Variants in CEP63 observed in about 807,000 individuals in gnomAD.
CEP63 encodes centrosomal protein of 63 kDa.
Under a neutral mutation model 89.1 loss-of-function variants are expected in CEP63, and 84 were observed. The observed-to-expected ratio is 0.94, with a 90% CI of 0.79 to 1.13. CEP63 has a LOEUF of 1.13. CEP63 is among the 50% of genes most tolerant of loss of function. CEP63 has a pLI of 0.00. For missense variants in CEP63, 838 were observed against 813.3 expected (o/e 1.03, Z -0.37); for synonymous variants, 267 against 272.5 (o/e 0.98, Z 0.20).
chr3:134,531,485 A>G (rs1390816412), intron 3 of CEP63, among the ~76,000 whole-genome samples: 1 of 152,144 alleles, frequency 6.6e-6, no homozygotes, highest in Non-Finnish European at 1.5e-5. Flanking sequence ...TGGGAGACCG[A>G]GGCAGACAAT....
At chr3:134,755,443 A>G in the CEP63 span, among the ~76,000 whole-genome samples, 1 of 152,180 alleles carries the variant, frequency 6.6e-6, no homozygotes, top group Non-Finnish European at 1.5e-5. Context: ...CTACCACATT[A>G]TATGCACAGG....
At chr3:134,581,657 A>T (rs967515744) in intron 10 of CEP63, among the ~76,000 whole-genome samples, 5 of 150,152 alleles carry the variant, frequency 3.3e-5, no homozygotes, top group Non-Finnish European at 7.4e-5. Flanking sequence ...GACAGAACTC[A>T]ATACACATTC....
At chr3:134,544,550 T>C (rs564498843) in intron 6 of CEP63, among the ~76,000 whole-genome samples, 6 of 151,770 alleles carry the variant, frequency 4.0e-5, no homozygotes, top group African/African-American at 1.5e-4. Context: ...TTTCTCTGAA[T>C]TTAAAGAGCA....
chr3:134,636,755 A>G, the CEP63 span, among the ~76,000 whole-genome samples: 1 of 152,238 alleles, frequency 6.6e-6, no homozygotes, highest in African/African-American at 2.4e-5. Flanking sequence ...AATAGATCAC[A>G]TATTCACTCA....
chr3:134,496,027 A>G (rs1012044227), intron 2 of CEP63, among the ~76,000 whole-genome samples: 1 of 152,350 alleles, frequency 6.6e-6, no homozygotes, highest in South Asian at 2.1e-4. Context: ...TAATGCTGCA[A>G]TAAACATGGG....
chr3:134,666,408 A>T, the CEP63 span, among the ~76,000 whole-genome samples: 1 of 152,182 alleles, frequency 6.6e-6, no homozygotes, highest in African/African-American at 2.4e-5. Context: ...TTTCGTAGGG[A>T]TTGTACCAAT....
At chr3:134,776,853 G>T in the CEP63 span, among the ~76,000 whole-genome samples, 1 of 152,182 alleles carries the variant, frequency 6.6e-6, no homozygotes, top group East Asian at 1.9e-4. Flanking sequence ...TCAGACCAGT[G>T]TTTTTAACAC....
At position 134,486,120 on chromosome 3, in the gene CEP63, G is replaced by A. The variant is rs984876639; in HGVS notation, c.-108G>A. ...ATTGTTTCAATTATTAAAAGTGTGG[G>A]GGCAGTGGGCGGAACAAACGCGCCG... On this transcript the variant is annotated 5_prime_UTR_variant, in exon 1 of 15. Transcript: ENST00000675561. 1.1e-5 allele frequency: 11 copies of A among 985,452 alleles called. No homozygotes were observed. The highest frequency in any genetic ancestry group is 1.2e-5 in the Non-Finnish European group (10 of 830,030). 61.0% of individuals were successfully genotyped at this position (985,452 alleles called of 1,614,324 possible).
At chr3:134,755,234 AGCCCTG>A in the CEP63 span, among the ~76,000 whole-genome samples, 3 of 2,958 alleles carry the variant, frequency 1.0e-3, no homozygotes, top group East Asian at 0.14. Context: ...CTGAACCCTG[AGCCCTG>A]AGCCCTGAGC....
upstream of CEP63, chr3:134,485,990 C>CG: frequency 3.5e-5 from 29 of 837,606 alleles, no homozygotes; most frequent in African/African-American, 9.8e-5. Flanking sequence ...GCTCCTGCCA[C>CG]GCCCCCCCCC....
the CEP63 span, among the ~76,000 whole-genome samples, chr3:134,669,781 G>A: frequency 2.6e-5 from 4 of 152,184 alleles, no homozygotes; most frequent in Admixed American, 6.5e-5. Flanking sequence ...TGGAATCTGG[G>A]GTATGGCAAA....
chr3:134,511,479 G>A (rs1576914853), intron 3 of CEP63: 2 of 152,548 alleles, frequency 1.3e-5, no homozygotes, highest in Admixed American at 1.3e-4. Flanking sequence ...AATTTGAGCA[G>A]TATATGAAAT....
the CEP63 span, among the ~76,000 whole-genome samples, chr3:134,695,681 C>T: frequency 6.6e-6 from 1 of 152,202 alleles, no homozygotes. Context: ...ATGGCTGGTG[C>T]ACATGCCTCT....
At chr3:134,733,803 C>T in the CEP63 span, among the ~76,000 whole-genome samples, 1 of 152,202 alleles carries the variant, frequency 6.6e-6, no homozygotes, top group Non-Finnish European at 1.5e-5. Flanking sequence ...TTCTAGCCTG[C>T]AGAACAAATT....
At chr3:134,509,561 T>C (rs1185699726) in intron 3 of CEP63, among the ~76,000 whole-genome samples, 1 of 152,204 alleles carries the variant, frequency 6.6e-6, no homozygotes, top group African/African-American at 2.4e-5. Flanking sequence ...TTTCCAGTTC[T>C]ACCACTCTTT....
intron 10 of CEP63, among the ~76,000 whole-genome samples, chr3:134,583,051 G>T (rs576360979): frequency 3.3e-5 from 5 of 151,998 alleles, no homozygotes; most frequent in Admixed American, 2.0e-4. Context: ...GTAAATTTGT[G>T]TAAGTTCTTT....
the CEP63 span, among the ~76,000 whole-genome samples, chr3:134,703,315 A>T: frequency 1.3e-5 from 2 of 148,936 alleles, no homozygotes; most frequent in African/African-American, 4.9e-5. Context: ...AAAAAAAAAA[A>T]AGATACATAC....
At chr3:134,515,954 C>T (rs1397941605) in intron 3 of CEP63, among the ~76,000 whole-genome samples, 1 of 152,132 alleles carries the variant, frequency 6.6e-6, no homozygotes, top group Admixed American at 6.5e-5. Context: ...GGGTGGGTTG[C>T]CCCTCCACAC....
chr3:134,564,259 C>T lies in CEP63; in HGVS notation c.*2724C>T. ...TTTGAACCAATGGAAAATGCCATTC[C>T]TGAGGTGCACCACATCGTTTCTTTT... On this transcript the variant is annotated 3_prime_UTR_variant, in exon 15 of 15. Transcript: ENST00000675561. 5.1e-6 allele frequency: 5 copies of T among 985,388 alleles called. No homozygotes were observed. The highest frequency in any genetic ancestry group is 6.0e-6 in the Non-Finnish European group (5 of 829,964). 61.0% of individuals were successfully genotyped at this position (985,388 alleles called of 1,614,324 possible).
Sources: allele counts gnomAD v4.1 joint callset (sites outside exome capture counted in the v4.1 genomes callset), GRCh38; gene constraint gnomAD v4.1.1; transcripts MANE v1.5; gene names NCBI Gene and HGNC (gene_info 2026-07-23, HGNC 2026-07-21).